Variants in B4GALNT2 observed in about 807,000 individuals in gnomAD.
B4GALNT2 encodes the protein N-acetylneuraminylgalactosylglucosyl-glucoside beta-1,4-N- acetylgalactosaminyltransferase 2.
A neutral mutation model predicts 51.1 loss-of-function variants in B4GALNT2; 42 were observed. That is an observed-to-expected ratio of 0.82 (90% confidence interval 0.64 to 1.06). B4GALNT2 has a LOEUF of 1.06. B4GALNT2 is among the 50% of genes least tolerant of loss of function. The pLI, the probability that B4GALNT2 is intolerant of heterozygous loss-of-function variation, is 0.00. For missense variants in B4GALNT2, 602 were observed against 633.6 expected (o/e 0.95, Z 0.54); for synonymous variants, 253 against 251.7 (o/e 1.01, Z -0.05).
In B4GALNT2 at chr17:49,142,119, C is replaced by A; in HGVS notation, c.300C>A (p.Asp100Glu). 6.2e-7 allele frequency: 1 copy of A among 1,614,090 alleles called. No homozygotes were observed. The highest frequency in any genetic ancestry group is 8.5e-7 in the Non-Finnish European group (1 of 1,180,014). The part of the protein sequence containing the change: ...YNFQDAYGQS[D>E]LPAVKARRQA... ...TTCAGGATGCCTATGGCCAGAGCGA[C>A]CTCCCAGCGGTGAAAGCGAGGAGAC... is the stretch of plus-strand genomic sequence containing the variant. The change falls in exon 3 of 11, where the codon GAC becomes GAA. Residue 100 changes from aspartate to glutamate, a missense_variant. Coordinates refer to ENST00000393354, the MANE Select transcript of B4GALNT2 (RefSeq NM_001159387.2).
At chr17:49,157,811 G>A (rs901069419) in intron 5 of B4GALNT2, among the ~76,000 whole-genome samples, 5 of 152,178 alleles carry the variant, frequency 3.3e-5, no homozygotes, top group Non-Finnish European at 5.9e-5. Flanking sequence ...CCTGCTGCGC[G>A]TAGTTCCATG....
the B4GALNT2 span, among the ~76,000 whole-genome samples, chr17:49,122,090 G>C: frequency 6.6e-6 from 1 of 152,094 alleles, no homozygotes; most frequent in African/African-American, 2.4e-5. Flanking sequence ...GTCTCTGGTC[G>C]GAGGAGAGGT....
the B4GALNT2 span, among the ~76,000 whole-genome samples, chr17:49,126,744 T>C: frequency 6.7e-6 from 1 of 149,690 alleles, no homozygotes; most frequent in African/African-American, 2.5e-5. Context: ...CATTGCAGTC[T>C]CCACCTCCTG....
At chr17:49,120,542 A>C in the B4GALNT2 span, among the ~76,000 whole-genome samples, 1 of 150,346 alleles carries the variant, frequency 6.7e-6, no homozygotes, top group Non-Finnish European at 1.5e-5. Context: ...GTCTTGCCCT[A>C]TTGCCCAGGC....
Position 49,169,685 on chromosome 17 carries a change from T to C in B4GALNT2, c.1478T>C (p.Leu493Pro), listed in dbSNP as rs1324639046. The C allele has an allele frequency of 3.1e-6, 5 of 1,603,780 alleles. No homozygotes were observed. In the East Asian group the frequency reaches 1.1e-4, roughly 36 times the overall value. ...ACCCTCACCCGGGTCCAGTTCAAGC[T>C]GGCCCTCCACTACTTCAAGAACCAT... ...SNTLTRVQFK[L>P]ALHYFKNHLQ... The change falls in exon 11 of 11, where the codon CTG becomes CCG. Residue 493 changes from leucine to proline, a missense_variant. By Grantham distance (98) the Leu-to-Pro change is moderately conservative. Coordinates refer to ENST00000393354, the MANE Select transcript of B4GALNT2 (RefSeq NM_001159387.2).
At chr17:49,141,480 A>C (rs370927678) in intron 2 of B4GALNT2, 33 bp downstream of exon 2, 1 of 1,593,396 alleles carries the variant, frequency 6.3e-7, no homozygotes, top group African/African-American at 1.3e-5. Flanking sequence ...TTTCACCTTA[A>C]TGCACACATC....
chr17:49,134,473 C>T (rs778434903), intron 1 of B4GALNT2, among the ~76,000 whole-genome samples: 1 of 152,220 alleles, frequency 6.6e-6, no homozygotes, highest in Admixed American at 6.5e-5. Context: ...GATGCGATCT[C>T]GGCTCACTGC....
intron 1 of B4GALNT2, among the ~76,000 whole-genome samples, chr17:49,137,490 C>T (rs1376702961): frequency 7.2e-5 from 11 of 152,130 alleles, no homozygotes. Flanking sequence ...CCAGATGTGG[C>T]CCCTGGATCT....
At chr17:49,129,845 T>C (rs967538718), upstream of B4GALNT2, among the ~76,000 whole-genome samples, 2 of 152,178 alleles carry the variant, frequency 1.3e-5, no homozygotes, top group African/African-American at 4.8e-5. Flanking sequence ...TCATTTGTGG[T>C]TTATGGTCAT....
At chr17:49,147,865 GTA>G (rs1491036076) in intron 3 of B4GALNT2, among the ~76,000 whole-genome samples, 12 of 151,334 alleles carry the variant, frequency 7.9e-5, no homozygotes, top group African/African-American at 2.4e-4. Context: ...GTGTGTGTGT[GTA>G]TATATATCCA....
the B4GALNT2 span, among the ~76,000 whole-genome samples, chr17:49,121,903 G>A: frequency 6.6e-6 from 1 of 152,210 alleles, no homozygotes; most frequent in Non-Finnish European, 1.5e-5. Flanking sequence ...ACGAAAAATG[G>A]CTCAACAGTT....
chr17:49,163,645 A>T (rs527962990), intron 7 of B4GALNT2, among the ~76,000 whole-genome samples: 1 of 151,750 alleles, frequency 6.6e-6, no homozygotes, highest in Non-Finnish European at 1.5e-5. Context: ...AATCCCAGCT[A>T]CTTGGGAGGC....
At chr17:49,130,141 G>A (rs2042529723), upstream of B4GALNT2, among the ~76,000 whole-genome samples, 1 of 152,236 alleles carries the variant, frequency 6.6e-6, no homozygotes, top group South Asian at 2.1e-4. Flanking sequence ...ACCATAGAGG[G>A]TTCACCTTGG....
chr17:49,132,744 G>C (rs897878469), upstream of B4GALNT2: 1 of 1,388,116 alleles, frequency 7.2e-7, no homozygotes, highest in African/African-American at 1.5e-5. Context: ...CGGCGGCCTG[G>C]CTGCTAGGCT....
chr17:49,155,558 C>T (rs189744395), intron 4 of B4GALNT2, among the ~76,000 whole-genome samples: 263 of 149,744 alleles, frequency 1.8e-3, no homozygotes, highest in African/African-American at 5.8e-3. Context: ...GTTGAGATTG[C>T]GCCACTGCAC....
rs117923317 is a variant in B4GALNT2, at chr17:49,157,711, C to G, written c.498+1108C>G. Among the ~76,000 whole-genome samples the G allele has an allele frequency of 9.8e-3, 1,494 of 152,282 alleles. 15 individuals carry two copies. The highest frequency in any genetic ancestry group is 0.015 in the Non-Finnish European group (1,015 of 68,014). On this transcript the variant is annotated intron_variant, in intron 5 of 10. Coordinates refer to ENST00000393354, the MANE Select transcript of B4GALNT2 (RefSeq NM_001159387.2). Reference sequence around the variant, plus strand: ...TCCTGCGCTCAAATGATCCTCCCACCTCGGTCTCCCAAAGCAGTGGGATTA... The same window carrying G: ...TCCTGCGCTCAAATGATCCTCCCACGTCGGTCTCCCAAAGCAGTGGGATTA...
At position 49,135,579 on chromosome 17, in the gene B4GALNT2, C is replaced by A. The variant is rs541818446; in HGVS notation, c.14+2773C>A. 5.9e-5 allele frequency among the ~76,000 whole-genome samples: 9 copies of A among 151,798 alleles called. No individual in the cohort carries two copies. In the East Asian group the frequency reaches 7.8e-4, roughly 13 times the overall value. ...GGCCCATCCTTCTTATTTTTAATAT[C>A]TTCCTTGCTATTCTTATGTGTTACT... On this transcript the variant is annotated intron_variant, in intron 1 of 10. Transcript: ENST00000393354.
chr17:49,124,428 G>A, the B4GALNT2 span, among the ~76,000 whole-genome samples: 1 of 152,152 alleles, frequency 6.6e-6, no homozygotes, highest in Non-Finnish European at 1.5e-5. Context: ...TTTTAGGGTA[G>A]CCATAGTTAA....
upstream of B4GALNT2, among the ~76,000 whole-genome samples, chr17:49,132,265 CTCTT>C (rs1169031658): frequency 2.0e-5 from 3 of 152,200 alleles, no homozygotes; most frequent in Non-Finnish European, 2.9e-5. Flanking sequence ...GTTCAACAGA[CTCTT>C]TCTTCCAGGC....
Sources: allele counts gnomAD v4.1 joint callset (sites outside exome capture counted in the v4.1 genomes callset), GRCh38; gene constraint gnomAD v4.1.1; transcripts MANE v1.5; gene names NCBI Gene and HGNC (gene_info 2026-07-23, HGNC 2026-07-21).